Variants in MYO1B observed in about 807,000 individuals in gnomAD.
MYO1B encodes myosin IB, also known as unconventional myosin-Ib.
Under a neutral mutation model 159.7 loss-of-function variants are expected in MYO1B, and 72 were observed. The ratio of observed to expected loss-of-function variants is 0.45; its 90% CI spans 0.37 to 0.55. The LOEUF (loss-of-function observed/expected upper bound fraction) is 0.55. Ranked by LOEUF, MYO1B falls within the 20% of genes least tolerant of loss-of-function variation. MYO1B has a pLI of 0.00. For missense variants in MYO1B, 1,062 were observed against 1,364.8 expected (o/e 0.78, Z 3.50); for synonymous variants, 468 against 473.8 (o/e 0.99, Z 0.16).
At chr2:191,275,258 A>G (rs947108725) in intron 1 of MYO1B, among the ~76,000 whole-genome samples, 1 of 152,194 alleles carries the variant, frequency 6.6e-6, no homozygotes, top group East Asian at 1.9e-4. Flanking sequence ...AAAAACATAC[A>G]GTAACAAAAA....
chr2:191,280,128 C>T (rs1189090898), intron 2 of MYO1B, among the ~76,000 whole-genome samples: 1 of 152,198 alleles, frequency 6.6e-6, no homozygotes, highest in Non-Finnish European at 1.5e-5. Flanking sequence ...GTATGAGTTA[C>T]GACTCTCTAG....
At chr2:191,345,144 G>A (rs927547376) in intron 5 of MYO1B, among the ~76,000 whole-genome samples, 2 of 152,132 alleles carry the variant, frequency 1.3e-5, no homozygotes, top group African/African-American at 2.4e-5. Flanking sequence ...TCTAGCTGCC[G>A]TGTGGCCCCT....
At chr2:191,337,058 C>T (rs1428488407) in intron 4 of MYO1B, among the ~76,000 whole-genome samples, 8 of 152,100 alleles carry the variant, frequency 5.3e-5, no homozygotes, top group Non-Finnish European at 8.8e-5. Context: ...GAAAAAAGTG[C>T]ACAATAATCC....
At chr2:191,351,032 C>T (rs552478286) in intron 7 of MYO1B, among the ~76,000 whole-genome samples, 1 of 152,188 alleles carries the variant, frequency 6.6e-6, no homozygotes, top group African/African-American at 2.4e-5. Context: ...AAGATGATGA[C>T]TCAGGGCTTT....
chr2:191,377,948 G>A (rs1694810955), intron 13 of MYO1B: 1 of 152,146 alleles, frequency 6.6e-6, no homozygotes, highest in South Asian at 2.1e-4. Flanking sequence ...GATTTCTGTG[G>A]GGAAGTAAGT....
chr2:191,365,295 A>G (rs1469297832), intron 11 of MYO1B, among the ~76,000 whole-genome samples: 1 of 152,134 alleles, frequency 6.6e-6, no homozygotes, highest in African/African-American at 2.4e-5. Flanking sequence ...CATCCTCATA[A>G]CTATCCATAA....
At position 191,360,534 on chromosome 2, in the gene MYO1B, G is replaced by A. The variant is rs539832835; in HGVS notation, c.563-97G>A. On this transcript the variant is annotated intron_variant, in intron 7 of 30. Transcript: ENST00000392318. ...TCCTTTATTATTTCATTTTATTACTGCAGAATAGAAAGAAAAAAGAAAGTG... is the reference window on the plus strand; with the variant it reads ...TCCTTTATTATTTCATTTTATTACTACAGAATAGAAAGAAAAAAGAAAGTG... 8.3e-5 allele frequency: 60 copies of A among 725,138 alleles called. No homozygotes were observed. The African/African-American group carries it at 1.0e-3, about 13-fold the overall frequency. 44.9% of individuals were successfully genotyped at this position (725,138 alleles called of 1,614,324 possible). A position where few individuals can be genotyped will look rare whatever the true frequency, so the allele number is the denominator to read the frequency against.
chr2:191,338,626 T>A (rs1287600270), intron 4 of MYO1B, among the ~76,000 whole-genome samples: 1 of 152,120 alleles, frequency 6.6e-6, no homozygotes, highest in Non-Finnish European at 1.5e-5. Flanking sequence ...AGATTCTCAT[T>A]CTTGGTTGAT....
At chr2:191,359,892 TCCTC>T (rs1327395913) in intron 7 of MYO1B, among the ~76,000 whole-genome samples, 3 of 152,208 alleles carry the variant, frequency 2.0e-5, no homozygotes, top group African/African-American at 7.2e-5. Context: ...CTCCCTTCCT[TCCTC>T]CTTTCCCATT....
At chr2:191,387,485 T>A (rs1274081585) in intron 17 of MYO1B, 35 bp downstream of exon 17, 2 of 1,560,858 alleles carry the variant, frequency 1.3e-6, no homozygotes, top group South Asian at 2.2e-5. Context: ...ACAGTTCAAA[T>A]GTGAGAGCAC....
chr2:191,362,709 TAAATC>T (rs1241296176), intron 9 of MYO1B, among the ~76,000 whole-genome samples: 1 of 152,244 alleles, frequency 6.6e-6, no homozygotes, highest in Non-Finnish European at 1.5e-5. Flanking sequence ...TGGATCATGT[TAAATC>T]AAAACTATTT....
chr2:191,297,886 C>T (rs2125818749), intron 3 of MYO1B, among the ~76,000 whole-genome samples: 1 of 152,292 alleles, frequency 6.6e-6, no homozygotes, highest in African/African-American at 2.4e-5. Flanking sequence ...TGCTGCTAAG[C>T]ACCCTTCAAA....
At chr2:191,264,506 C>G (rs1330681530) in intron 1 of MYO1B, among the ~76,000 whole-genome samples, 1 of 149,708 alleles carries the variant, frequency 6.7e-6, no homozygotes, top group Admixed American at 6.7e-5. Context: ...GCTTTCCTAA[C>G]TAGGTGAATT....
chr2:191,379,225 G>A (rs535211359), intron 13 of MYO1B: 1 of 152,746 alleles, frequency 6.5e-6, no homozygotes, highest in South Asian at 2.1e-4. Flanking sequence ...TGCTAATTAA[G>A]AACTGACTGC....
intron 1 of MYO1B, among the ~76,000 whole-genome samples, chr2:191,268,158 A>T (rs1687250728): frequency 6.6e-6 from 1 of 152,196 alleles, no homozygotes; most frequent in Admixed American, 6.5e-5. Flanking sequence ...GATACCATGG[A>T]CCGGGTGGCT....
intron 1 of MYO1B, among the ~76,000 whole-genome samples, chr2:191,256,341 CT>C (rs1686446784): frequency 6.6e-6 from 1 of 152,190 alleles, no homozygotes; most frequent in Non-Finnish European, 1.5e-5. Context: ...GAGCTGCCTT[CT>C]TTGGGTTATA....
chr2:191,269,454 G>C (rs931770049), intron 1 of MYO1B, among the ~76,000 whole-genome samples: 3 of 149,936 alleles, frequency 2.0e-5, no homozygotes, highest in Non-Finnish European at 4.5e-5. Flanking sequence ...ATGCTGCTAT[G>C]AACATGGGTG....
intron 6 of MYO1B, among the ~76,000 whole-genome samples, chr2:191,347,476 G>A (rs1692640033): frequency 6.6e-6 from 1 of 152,136 alleles, no homozygotes; most frequent in Admixed American, 6.5e-5. Context: ...TTTGCTGTTT[G>A]CAAATTACAT....
intron 3 of MYO1B, among the ~76,000 whole-genome samples, chr2:191,312,742 G>C (rs1326070890): frequency 6.6e-6 from 1 of 152,196 alleles, no homozygotes; most frequent in Non-Finnish European, 1.5e-5. Flanking sequence ...TTTAAAAAGT[G>C]ATGAATACAG....
Sources: allele counts gnomAD v4.1 joint callset (sites outside exome capture counted in the v4.1 genomes callset), GRCh38; gene constraint gnomAD v4.1.1; transcripts MANE v1.5; gene names NCBI Gene and HGNC (gene_info 2026-07-23, HGNC 2026-07-21).